PLXNB1: variants seen among roughly 807,000 people sequenced by gnomAD.
PLXNB1 encodes the protein plexin B1, also known as plexin-B1.
Under a neutral mutation model 209.4 loss-of-function variants are expected in PLXNB1, and 106 were observed. That is an observed-to-expected ratio of 0.51 (90% CI 0.43 to 0.59). The LOEUF is 0.59. PLXNB1 is among the 20% of genes least tolerant of loss of function. The pLI, the probability that PLXNB1 is intolerant of heterozygous loss-of-function variation, is 0.00. For synonymous variants in PLXNB1, 1,167 were observed against 1,183.2 expected, an observed-to-expected ratio of 0.99 and a Z score of 0.28; for missense variants, 2,357 against 2,853.2, an observed-to-expected ratio of 0.83 and a Z score of 3.96.
Position 48,409,870 on chromosome 3 carries a change from G to C in PLXNB1, c.5778+35C>G. 1 of 1,582,848 alleles carries C rather than the reference G, an allele frequency of 6.3e-7. No homozygotes were observed. Among genetic ancestry groups the C allele is most frequent in the Admixed American group, 1.8e-5 (1 of 56,376 alleles). ...CCACGAGTGGCCATGCTCCCTCTCA[G>C]CCCAGGCCCCACTACCTTGGCAGCC... On this transcript the variant is annotated intron_variant, in intron 32 of 37. Coordinates refer to ENST00000296440, the MANE Select transcript of PLXNB1 (RefSeq NM_001130082.3). This position sits in a 1 kb window ranked among gnomAD's most constrained non-coding sequence, Gnocchi z 5.8.
In PLXNB1 at chr3:48,415,509, T is replaced by C; in HGVS notation, c.3794+74A>G. The C allele has an allele frequency of 6.8e-7, 1 of 1,466,066 alleles. No individual in the cohort carries two copies. The highest frequency in any genetic ancestry group is 2.5e-5 in the East Asian group (1 of 40,266). 90.8% of individuals were successfully genotyped at this position (1,466,066 alleles called of 1,614,324 possible). A position where few individuals can be genotyped will look rare whatever the true frequency, so the allele number is the denominator to read the frequency against. ...TTCTCAGTGCCTCAACATAAAGCCC[T>C]ACAAACCCCCACATAGTGGAGCTGC... On this transcript the variant is annotated intron_variant, in intron 19 of 37. Coordinates refer to ENST00000296440, the MANE Select transcript of PLXNB1 (RefSeq NM_001130082.3). The surrounding 1 kb of genome is among the most constrained non-coding windows in gnomAD (Gnocchi z 5.0).
rs76762037 is a variant in PLXNB1, at chr3:48,411,900, T to C, written c.5210A>G (p.Asn1737Ser). The change falls in exon 28 of 38, where the codon AAC (asparagine) becomes AGC (serine). Residue 1737 changes from asparagine to serine, a missense_variant. Asn to Ser is a conservative substitution (Grantham distance 46). Around this residue, in one of 7 missense-constraint regions of PLXNB1, gnomAD observed 65 missense variants for 127.6 expected, o/e 0.51. Transcript: ENST00000296440. The surrounding 1 kb of genome is among the most constrained non-coding windows in gnomAD (Gnocchi z 4.0). ...CTCCACATCCTCTCTGAGCAGGCGG[T>C]TGTCGTTCAAGGTGTATTTGGCCTT... ...TGKAKYTLND[N>S]RLLREDVEYR... The C allele has an allele frequency of 6.2e-7, 1 of 1,613,894 alleles. No homozygotes were observed. The highest frequency in any genetic ancestry group is 1.3e-5 in the African/African-American group (1 of 74,872).
In PLXNB1 at chr3:48,406,974, C is replaced by A. The variant is rs980102467; in HGVS notation, c.6152+53G>T. The A allele has an allele frequency of 1.9e-6, 3 of 1,609,284 alleles. No homozygotes were observed. Among genetic ancestry groups the A allele is most frequent in the South Asian group, 2.2e-5 (2 of 90,952 alleles). On this transcript the variant is annotated intron_variant, in intron 35 of 37. Transcript: ENST00000296440. This position sits in a 1 kb window ranked among gnomAD's most constrained non-coding sequence, Gnocchi z 4.4. ...CTGCTCCCAACCAGAGCCCACCCCC[C>A]AAGCCTCAGCTGCACACGCCCTCCA...
chr3:48,414,696 C>T, intron 21 of PLXNB1, 103 bp downstream of exon 21: 5 of 1,411,826 alleles, frequency 3.5e-6, no homozygotes, highest in Non-Finnish European at 4.8e-6. Context: ...TGTCCATCCA[C>T]CGGCCCTTGC....
In PLXNB1 at chr3:48,413,304, C is replaced by A; in HGVS notation, c.4536-135G>T. ...CCATGCCAGCCAAGCTCAAGCCTAG[C>A]CCAGTACGATTCAGCCTGTCCCGTC... On this transcript the variant is annotated intron_variant, in intron 23 of 37. Coordinates refer to ENST00000296440, the MANE Select transcript of PLXNB1 (RefSeq NM_001130082.3). The surrounding 1 kb of genome is among the most constrained non-coding windows in gnomAD (Gnocchi z 5.4). 1.4e-6 allele frequency: 1 copy of A among 724,230 alleles called. No homozygotes were observed. The allele number at this position is 724,230 out of a possible 1,614,324, so 44.9% of individuals were successfully genotyped here.
chr3:48,423,747 G>T lies in PLXNB1; in HGVS notation c.865C>A (p.His289Asn). The T allele has an allele frequency of 6.2e-7, 1 of 1,613,854 alleles. No individual in the cohort carries two copies. The highest frequency in any genetic ancestry group is 8.5e-7 in the Non-Finnish European group (1 of 1,179,962). ...AAVATSREVA[H>N]GEVLFAAFSS... ...AAAGCTGCAAAGAGCACCTCCCCATGCGCCACCTCCCTGGACGTGGCCACA... is the reference window on the plus strand; with the variant it reads ...AAAGCTGCAAAGAGCACCTCCCCATTCGCCACCTCCCTGGACGTGGCCACA... The change falls in exon 3 of 38, where the codon CAT becomes AAT. Residue 289 changes from histidine (H) to asparagine (N), a missense_variant. Transcript: ENST00000296440.
rs771952055 is a variant in PLXNB1, at chr3:48,423,983, C to T, written c.629G>A (p.Arg210His). Residue 210 changes from arginine to histidine, a missense_variant, in exon 3 of 38, where the codon CGC (arginine) becomes CAC (histidine). Arg to His is a conservative substitution (Grantham distance 29). Around this residue, in one of 7 missense-constraint regions of PLXNB1, gnomAD observed 404 missense variants for 443.6 expected, o/e 0.91. Transcript: ENST00000296440. ...GAAGTGGTGGCTGTACTCGGAGAGG[C>T]GGCCCACTGCCAGCTTGGCTGTCTC... is the stretch of plus-strand genomic sequence containing the variant. ...YEETAKLAVG[R>H]LSEYSHHFVS... is the part of the protein sequence containing the mutation. 39 of 1,613,444 alleles carry T rather than the reference C, an allele frequency of 2.4e-5. No individual in the cohort carries two copies. Among genetic ancestry groups the T allele is most frequent in the African/African-American group, 4.0e-5 (3 of 74,940 alleles).
Position 48,404,301 on chromosome 3 carries a change from G to GT in PLXNB1, c.*184_*185insA, listed in dbSNP as rs2037180623. 3.4e-6 allele frequency: 2 copies of GT among 580,834 alleles called. No individual in the cohort carries two copies. Among genetic ancestry groups the GT allele is most frequent in the Non-Finnish European group, 6.1e-6 (2 of 327,016 alleles). 36.0% of individuals were successfully genotyped at this position (580,834 alleles called of 1,614,324 possible). A position where few individuals can be genotyped will look rare whatever the true frequency, so the allele number is the denominator to read the frequency against. ...GGCTGGGTACTACCCCATGAGCCTT[G>GT]AGGCCCCGGGTCTAGGAGGTGGATC... On this transcript the variant is annotated 3_prime_UTR_variant, in exon 38 of 38. Transcript: ENST00000296440.
chr3:48,418,845 C>T lies in PLXNB1; in HGVS notation c.2955+72G>A, dbSNP rs113516657. The T allele has an allele frequency of 3.9e-4, 621 of 1,584,876 alleles. 4 individuals carry two copies. In the African/African-American group the frequency reaches 7.3e-3, roughly 19 times the overall value. On this transcript the variant is annotated intron_variant, in intron 13 of 37. Transcript: ENST00000296440. The surrounding 1 kb of genome is among the most constrained non-coding windows in gnomAD (Gnocchi z 6.6). ...GTGGCTCTGGAAAGTGTGGTGCAGC[C>T]AGCTACAGTTGGCAGCCAGCCTGTG... is the stretch of plus-strand genomic sequence containing the variant.
chr3:48,409,975 A>C lies in PLXNB1; in HGVS notation c.5708T>G (p.Leu1903Arg), dbSNP rs766993938. The C allele has an allele frequency of 1.2e-6, 2 of 1,612,662 alleles. No homozygotes were observed. The highest frequency in any genetic ancestry group is 1.7e-6 in the Non-Finnish European group (2 of 1,179,600). Residue 1903 changes from leucine (L) to arginine (R), a missense_variant, in exon 32 of 38, where the codon CTT becomes CGT. By Grantham distance (102) the Leu-to-Arg change is moderately radical. Coordinates refer to ENST00000296440, the MANE Select transcript of PLXNB1 (RefSeq NM_001130082.3). This position sits in a 1 kb window ranked among gnomAD's most constrained non-coding sequence, Gnocchi z 5.8. ...PEPPRPRRGS[L>R]RGGERERAKA... Reference sequence around the variant, plus strand: ...GGCGCGCTCACGCTCCCCGCCCCGAAGGCTGCCCCTCCGAGGCCTGGGCGG... The same window carrying C: ...GGCGCGCTCACGCTCCCCGCCCCGACGGCTGCCCCTCCGAGGCCTGGGCGG...
In PLXNB1 at chr3:48,423,538, A is replaced by T; in HGVS notation, c.1074T>A (p.Tyr358Ter). 1.2e-6 allele frequency: 2 copies of T among 1,614,120 alleles called. No individual in the cohort carries two copies. The highest frequency in any genetic ancestry group is 1.7e-6 in the Non-Finnish European group (2 of 1,179,978). The change falls in exon 3 of 38, where the codon TAT becomes TAA. Residue 358 changes from tyrosine (Y) to a stop codon, truncating the protein, a stop_gained. Coordinates refer to ENST00000296440, the MANE Select transcript of PLXNB1 (RefSeq NM_001130082.3). LOFTEE classifies it high-confidence loss of function. The stretch of plus-strand genomic sequence containing the variant: ...GCTGTGCACAGTCAGAATTGACATC[A>T]TACTCGATGTAGGCCACCTCGGTCC... ...EDGTEVAYIE[Y>*]DVNSDCAQLP...
At position 48,410,156 on chromosome 3, in the gene PLXNB1, G is replaced by A; in HGVS notation, c.5606-79C>T. ...CCCCTGTTTCTTGCCAGCTCTCCCA[G>A]GGGTGGGGGCACCTGGTTGAGGGAT... On this transcript the variant is annotated intron_variant, in intron 31 of 37. Coordinates refer to ENST00000296440, the MANE Select transcript of PLXNB1 (RefSeq NM_001130082.3). The surrounding 1 kb of genome is among the most constrained non-coding windows in gnomAD (Gnocchi z 6.4). 1 of 1,495,572 alleles carries A rather than the reference G, an allele frequency of 6.7e-7. No individual in the cohort carries two copies. Among genetic ancestry groups the A allele is most frequent in the Non-Finnish European group, 9.0e-7 (1 of 1,109,062 alleles). The allele number at this position is 1,495,572 out of a possible 1,614,324, so 92.6% of individuals were successfully genotyped here.
Position 48,412,250 on chromosome 3 carries a change from A to G in PLXNB1, c.5088T>C (p.Tyr1696=), listed in dbSNP as rs1490776982. The part of the protein sequence containing the change: ...LLTNWMSICL[Y]TFVRDSVGEP... Reference sequence around the variant, plus strand: ...TCTGCCCCCTCACCCTCACGAAGGTATACAGACAGATGGACATCCAGTTGG... The same window carrying G: ...TCTGCCCCCTCACCCTCACGAAGGTGTACAGACAGATGGACATCCAGTTGG... Residue 1696 remains tyrosine, a synonymous_variant, in exon 27 of 38, where the codon TAT becomes TAC. Coordinates refer to ENST00000296440, the MANE Select transcript of PLXNB1 (RefSeq NM_001130082.3). 6.2e-7 allele frequency: 1 copy of G among 1,614,076 alleles called. No individual in the cohort carries two copies. The highest frequency in any genetic ancestry group is 1.1e-5 in the South Asian group (1 of 91,082).
At chr3:48,423,072 T>C in intron 3 of PLXNB1, 125 bp from the exon 4 acceptor site, 1 of 803,996 alleles carries the variant, frequency 1.2e-6, no homozygotes, top group African/African-American at 1.7e-5. Flanking sequence ...CTGTGTTTTC[T>C]CTGCTGGCCC....
rs1203891373 is a variant in PLXNB1, at chr3:48,409,304, C to CA, written c.6087+24_6087+25insT. 2 of 1,612,776 alleles carry CA rather than the reference C, an allele frequency of 1.2e-6. No individual in the cohort carries two copies. Among genetic ancestry groups the CA allele is most frequent in the African/African-American group, 1.3e-5 (1 of 74,670 alleles). On this transcript the variant is annotated intron_variant, in intron 34 of 37. Coordinates refer to ENST00000296440, the MANE Select transcript of PLXNB1 (RefSeq NM_001130082.3). The surrounding 1 kb of genome is among the most constrained non-coding windows in gnomAD (Gnocchi z 5.8). ...GCACTGTCCACCCTCACCCATCCCCCCGTGTCCATCCCAGACTCGCTCACC... is the reference window on the plus strand; with the variant it reads ...GCACTGTCCACCCTCACCCATCCCCCACGTGTCCATCCCAGACTCGCTCACC...
Position 48,420,680 on chromosome 3 carries a change from C to T in PLXNB1, c.2013G>A (p.Met671Ile). 6.2e-7 allele frequency: 1 copy of T among 1,613,728 alleles called. No homozygotes were observed. The highest frequency in any genetic ancestry group is 8.5e-7 in the Non-Finnish European group (1 of 1,179,850). Residue 671 changes from methionine (M) to isoleucine (I), a missense_variant, in exon 10 of 38, where the codon ATG (methionine) becomes ATA (isoleucine). Met to Ile is a conservative substitution (Grantham distance 10, BLOSUM62 1). Around this residue, in one of 7 missense-constraint regions of PLXNB1, gnomAD observed 214 missense variants for 297.1 expected, o/e 0.72. Coordinates refer to ENST00000296440, the MANE Select transcript of PLXNB1 (RefSeq NM_001130082.3). ...TCACACTCACCTGATGGCTTGCAAC[C>T]ATGGGCCCAGCATCACACGAGGCCT... ...THKASCDAGPMVASHQSPLVS... is the reference protein window; with the variant it reads ...THKASCDAGPIVASHQSPLVS...
chr3:48,410,538 CG>C lies in PLXNB1; in HGVS notation c.5436del (p.His1814ThrfsTer20). 1 of 1,613,526 alleles carries C rather than the reference CG, an allele frequency of 6.2e-7. No homozygotes were observed. Among genetic ancestry groups the C allele is most frequent in the Non-Finnish European group, 8.5e-7 (1 of 1,179,932 alleles). On this transcript the variant is annotated frameshift_variant, in exon 30 of 38. Transcript: ENST00000296440. LOFTEE classifies it high-confidence loss of function. This position sits in a 1 kb window ranked among gnomAD's most constrained non-coding sequence, Gnocchi z 6.4. ...TLDVEWRSGV[A>X]GHLILSDEDV... is the part of the protein sequence containing the mutation. ...TCCTCGTCAGAAAGAATGAGGTGCCCGGCCACCCCAGACCGCCACTCTGCAA... is the reference window on the plus strand; with the variant it reads ...TCCTCGTCAGAAAGAATGAGGTGCCCGCCACCCCAGACCGCCACTCTGCAA...
rs2038305242 is a variant in PLXNB1, at chr3:48,419,010, C to T, written c.2862G>A (p.Met954Ile). 1.2e-6 allele frequency: 2 copies of T among 1,613,964 alleles called. No individual in the cohort carries two copies. The highest frequency in any genetic ancestry group is 1.7e-6 in the Non-Finnish European group (2 of 1,180,010). Residue 954 changes from methionine (M) to isoleucine (I), a missense_variant, in exon 13 of 38, where the codon ATG becomes ATA. This residue lies in a region of PLXNB1 where 410 missense variants were observed against 401.0 expected (regional missense o/e 1.02). Coordinates refer to ENST00000296440, the MANE Select transcript of PLXNB1 (RefSeq NM_001130082.3). This position sits in a 1 kb window ranked among gnomAD's most constrained non-coding sequence, Gnocchi z 5.7. ...CCACCACCTCGAGGCCCTCCAGCTCCATCACACACTCATTGTCTCCTGGGC... is the reference window on the plus strand; with the variant it reads ...CCACCACCTCGAGGCCCTCCAGCTCTATCACACACTCATTGTCTCCTGGGC... The part of the protein sequence containing the change: ...QDGPGDNECV[M>I]ELEGLEVVVE...
At chr3:48,427,647 A>G (rs1480829506) in intron 1 of PLXNB1, among the ~76,000 whole-genome samples, 1 of 152,078 alleles carries the variant, frequency 6.6e-6, no homozygotes, top group Non-Finnish European at 1.5e-5. Context: ...TCCCCCACAC[A>G]TGCCCTTCGT....
Sources: allele counts gnomAD v4.1 joint callset (sites outside exome capture counted in the v4.1 genomes callset), GRCh38; gene constraint gnomAD v4.1.1; regional missense constraint gnomAD v4.1.1; non-coding constraint Gnocchi (gnomAD v3.1); transcripts MANE v1.5; gene names NCBI Gene and HGNC (gene_info 2026-07-23, HGNC 2026-07-21).